The following SDK2 variants were observed in gnomAD, a reference collection of about 807,000 sequenced individuals.
SDK2 encodes sidekick cell adhesion molecule 2, also known as protein sidekick-2.
A neutral mutation model predicts 253.9 loss-of-function variants in SDK2; 105 were observed. The observed-to-expected ratio is 0.41, with a 90% CI of 0.35 to 0.49. The LOEUF (loss-of-function observed/expected upper bound fraction) is 0.49, where lower values mean the gene tolerates loss of function less well. Among genes scored for constraint, SDK2 ranks in the 20% least tolerant of loss-of-function variants. The pLI, the probability that SDK2 is intolerant of heterozygous loss-of-function variation, is 0.06. For missense variants in SDK2, 2,608 were observed against 3,003.0 expected (o/e 0.87, Z 3.07); for synonymous variants, 1,249 against 1,234.9 (o/e 1.01, Z -0.24).
At chr17:73,623,871 C>T (rs1278096436) in intron 1 of SDK2, among the ~76,000 whole-genome samples, 3 of 152,218 alleles carry the variant, frequency 2.0e-5, no homozygotes, top group South Asian at 2.1e-4. Context: ...TGCTTTCCCC[C>T]TCCAGAGAAT....
rs752640012 is a variant in SDK2 at position 73,350,296 on chromosome 17, G to C, written c.5979C>G (p.Leu1993=). 1 of 1,601,088 alleles carries C rather than the reference G, an allele frequency of 6.2e-7. No individual in the cohort carries two copies. Among genetic ancestry groups the C allele is most frequent in the East Asian group, 2.3e-5 (1 of 44,396 alleles). The part of the protein sequence containing the change: ...LDESSFPALE[L]NNRRLSVKNS... ...TCTTGACGGAGAGCCGCCTGTTGTT[G>C]AGTTCCAGGGCAGGGAAGCTGCTTT... Residue 1993 remains leucine, a synonymous_variant, in exon 43 of 45, where the codon CTC becomes CTG. Transcript: ENST00000392650.
intron 1 of SDK2, among the ~76,000 whole-genome samples, chr17:73,512,899 T>C (rs993579046): frequency 6.6e-6 from 1 of 152,132 alleles, no homozygotes; most frequent in Non-Finnish European, 1.5e-5. Flanking sequence ...AGGGAACCAT[T>C]TGGGGATAAA....
At chr17:73,358,557 C>T (rs1018753030) in intron 39 of SDK2, among the ~76,000 whole-genome samples, 23 of 152,266 alleles carry the variant, frequency 1.5e-4, no homozygotes, top group Middle Eastern at 3.4e-3. Context: ...GCCTCCGTTT[C>T]CCCCTCTATA....
intron 1 of SDK2, among the ~76,000 whole-genome samples, chr17:73,578,175 T>C (rs2045483202): frequency 6.6e-6 from 1 of 151,656 alleles, no homozygotes; most frequent in African/African-American, 2.4e-5. Flanking sequence ...TTCCCCTGCC[T>C]CAACCTCCCG....
intron 1 of SDK2, among the ~76,000 whole-genome samples, chr17:73,608,413 C>T (rs556907606): frequency 6.6e-6 from 1 of 152,142 alleles, no homozygotes; most frequent in Admixed American, 6.5e-5. Flanking sequence ...GGGTTTGCTA[C>T]CAGCATTCTC....
chr17:73,511,713 C>T lies in SDK2; in HGVS notation c.65-4116G>A, dbSNP rs138922783. 6.9e-4 allele frequency among the ~76,000 whole-genome samples: 105 copies of T among 152,272 alleles called. No homozygotes were observed. The highest frequency in any genetic ancestry group is 2.2e-3 in the African/African-American group (93 of 41,568). On this transcript the variant is annotated intron_variant, in intron 1 of 44. Transcript: ENST00000392650. This position sits in a 1 kb window ranked among gnomAD's most constrained non-coding sequence, Gnocchi z 4.9. ...AACCTGCCCCCTGGATACAGGGATCCTGGGAGGGACGCCCTACCTAGGACT... is the reference window on the plus strand; with the variant it reads ...AACCTGCCCCCTGGATACAGGGATCTTGGGAGGGACGCCCTACCTAGGACT...
chr17:73,455,667 G>A lies in SDK2; in HGVS notation c.479+239C>T, dbSNP rs571954508. Among the ~76,000 whole-genome samples, 123 of 152,296 alleles carry A rather than the reference G, an allele frequency of 8.1e-4. No homozygotes were observed. The highest frequency in any genetic ancestry group is 1.5e-3 in the Non-Finnish European group (99 of 68,024). ...GATTTATTCTCCAGCTGATGGTGGAGGCAACGCCCTGGGATTCCCCAGGAA... is the reference window on the plus strand; with the variant it reads ...GATTTATTCTCCAGCTGATGGTGGAAGCAACGCCCTGGGATTCCCCAGGAA... On this transcript the variant is annotated intron_variant, in intron 4 of 44. Coordinates refer to ENST00000392650, the MANE Select transcript of SDK2 (RefSeq NM_001144952.2). The surrounding 1 kb of genome is among the most constrained non-coding windows in gnomAD (Gnocchi z 5.0).
intron 36 of SDK2, 95 bp from the exon 37 acceptor site, chr17:73,368,688 G>A (rs923792849): frequency 4.6e-6 from 5 of 1,088,286 alleles, no homozygotes; most frequent in Non-Finnish European, 6.4e-6. Context: ...CACCTTCATT[G>A]CTGTGAGTCA....
At position 73,541,549 on chromosome 17, in the gene SDK2, G is replaced by A. The variant is rs1193237713; in HGVS notation, c.65-33952C>T. Reference sequence around the variant, plus strand: ...GAGATAGGTAGAGGGGTGAGTGCCCGTGGTCTACTTCATGGCGACTTCAAG... The same window carrying A: ...GAGATAGGTAGAGGGGTGAGTGCCCATGGTCTACTTCATGGCGACTTCAAG... On this transcript the variant is annotated intron_variant, in intron 1 of 44. Transcript: ENST00000392650. This position sits in a 1 kb window ranked among gnomAD's most constrained non-coding sequence, Gnocchi z 4.3. Among the ~76,000 whole-genome samples the A allele has an allele frequency of 2.0e-5, 3 of 151,114 alleles. No homozygotes were observed. Among genetic ancestry groups the A allele is most frequent in the Non-Finnish European group, 2.9e-5 (2 of 67,840 alleles).
At position 73,443,126 on chromosome 17, in the gene SDK2, T is replaced by C. The variant is rs908077344; in HGVS notation, c.614-2203A>G. Among the ~76,000 whole-genome samples, 5 of 152,158 alleles carry C rather than the reference T, an allele frequency of 3.3e-5. No individual in the cohort carries two copies. Among genetic ancestry groups the C allele is most frequent in the African/African-American group, 7.2e-5 (3 of 41,438 alleles). The stretch of plus-strand genomic sequence containing the variant: ...GGGCCCTGCGGTGACAGTGACAGGC[T>C]GTTCTTTATGGGGTTAGGGGCAGGG... On this transcript the variant is annotated intron_variant, in intron 5 of 44. Coordinates refer to ENST00000392650, the MANE Select transcript of SDK2 (RefSeq NM_001144952.2). This position sits in a 1 kb window ranked among gnomAD's most constrained non-coding sequence, Gnocchi z 4.6.
chr17:73,378,549 A>G (rs1469712831), intron 36 of SDK2, among the ~76,000 whole-genome samples: 3 of 151,744 alleles, frequency 2.0e-5, no homozygotes, highest in Non-Finnish European at 4.4e-5. Context: ...CCTCTCGAAT[A>G]GCTGGGATTA....
intron 1 of SDK2, among the ~76,000 whole-genome samples, chr17:73,635,216 G>A (rs1198211671): frequency 6.6e-6 from 1 of 152,094 alleles, no homozygotes; most frequent in Non-Finnish European, 1.5e-5. Context: ...TTGAACGCCT[G>A]TCCTCAAGTG....
intron 1 of SDK2, among the ~76,000 whole-genome samples, chr17:73,560,038 C>T (rs923664690): frequency 4.6e-5 from 7 of 152,144 alleles, no homozygotes; most frequent in African/African-American, 1.7e-4. Flanking sequence ...GTCTATGGCC[C>T]CAAGGGTCCT....
At chr17:73,497,601 G>A (rs2063852877) in intron 2 of SDK2, among the ~76,000 whole-genome samples, 1 of 151,708 alleles carries the variant, frequency 6.6e-6, no homozygotes, top group Admixed American at 6.6e-5. Flanking sequence ...TGCATGGCCA[G>A]CAGAGCCTCA....
chr17:73,536,723 A>C (rs964798911), intron 1 of SDK2, among the ~76,000 whole-genome samples: 5 of 152,174 alleles, frequency 3.3e-5, no homozygotes, highest in African/African-American at 1.2e-4. Flanking sequence ...TTTCTGCCTC[A>C]CATCCCCTGG....
At chr17:73,347,625 C>T (rs1402153069) in intron 44 of SDK2, among the ~76,000 whole-genome samples, 1 of 152,226 alleles carries the variant, frequency 6.6e-6, no homozygotes, top group Non-Finnish European at 1.5e-5. Context: ...GGCACCTCTT[C>T]CTTCACTTCC....
chr17:73,569,199 CT>C lies in SDK2; in HGVS notation c.65-61603del, dbSNP rs531392828. Among the ~76,000 whole-genome samples, 457 of 137,496 alleles carry C rather than the reference CT, an allele frequency of 3.3e-3. 1 individual carries two copies. Among genetic ancestry groups the C allele is most frequent in the South Asian group, 7.5e-3 (32 of 4,276 alleles). 90.2% of individuals were successfully genotyped at this position (137,496 alleles called of 152,430 possible). ...CCCATGTTCTTTCTTTCTTTCTTTT[CT>C]TTTTTTTTTTTTTTTGAGATGGAGT... On this transcript the variant is annotated intron_variant, in intron 1 of 44. Coordinates refer to ENST00000392650, the MANE Select transcript of SDK2 (RefSeq NM_001144952.2).
At chr17:73,588,207 C>T (rs1481475832) in intron 1 of SDK2, among the ~76,000 whole-genome samples, 2 of 142,634 alleles carry the variant, frequency 1.4e-5, no homozygotes, top group Non-Finnish European at 3.1e-5. Flanking sequence ...ACCCCCCCCC[C>T]TCCCCCGCCA....
chr17:73,551,131 G>A (rs1177652288), intron 1 of SDK2, among the ~76,000 whole-genome samples: 1 of 152,142 alleles, frequency 6.6e-6, no homozygotes, highest in East Asian at 1.9e-4. Flanking sequence ...GACACAGTGG[G>A]TCGAGGTGGT....
Sources: gnomAD v4.1 joint callset for allele counts (sites outside exome capture counted in the v4.1 genomes callset) on GRCh38, gnomAD v4.1.1 for gene constraint, Gnocchi (gnomAD v3.1) non-coding constraint, MANE v1.5 for transcripts, NCBI Gene and HGNC (gene_info 2026-07-23, HGNC 2026-07-21) for gene names.